The following PRELID2 variants were observed in gnomAD, a reference collection of about 807,000 sequenced individuals.
The protein encoded by PRELID2 is PRELI domain containing 2, also known as PRELI domain-containing protein 2.
A neutral mutation model predicts 28.4 loss-of-function variants in PRELID2; 25 were observed. The observed-to-expected ratio is 0.88, with a 90% CI of 0.64 to 1.23. The LOEUF is 1.23. Ranked by LOEUF, PRELID2 falls within the 50% of genes most tolerant of loss-of-function variation. The probability of loss-of-function intolerance (pLI) is 0.00; values close to 1 mark genes in which losing one functional copy is unlikely to be tolerated. For missense variants in PRELID2, 201 were observed against 214.4 expected, an observed-to-expected ratio of 0.94 and a Z score of 0.39; for synonymous variants, 76 against 71.6, an observed-to-expected ratio of 1.06 and a Z score of -0.31.
chr5:145,380,134 C>T, the PRELID2 span, among the ~76,000 whole-genome samples: 8 of 152,178 alleles, frequency 5.3e-5, no homozygotes, highest in East Asian at 9.6e-4. Flanking sequence ...GCTCTCCCTG[C>T]TAATTTAAGT....
At chr5:145,679,026 T>C (rs1218548418) in intron 1 of PRELID2, among the ~76,000 whole-genome samples, 1 of 152,188 alleles carries the variant, frequency 6.6e-6, no homozygotes, top group Admixed American at 6.5e-5. Flanking sequence ...ATTCTAGAGA[T>C]CTCTAAACAG....
intron 1 of PRELID2, among the ~76,000 whole-genome samples, chr5:145,502,131 C>T (rs1752364679): frequency 6.6e-6 from 1 of 152,004 alleles, no homozygotes; most frequent in African/African-American, 2.4e-5. Flanking sequence ...GCAGGCTCTA[C>T]AGGAAGCATA....
chr5:145,713,077 CA>C (rs1755739211), intron 1 of PRELID2, among the ~76,000 whole-genome samples: 1 of 151,602 alleles, frequency 6.6e-6, no homozygotes, highest in African/African-American at 2.4e-5. Context: ...ATTAGATTAA[CA>C]AACATATAAC....
the PRELID2 span, among the ~76,000 whole-genome samples, chr5:145,295,323 G>T: frequency 6.6e-6 from 1 of 152,086 alleles, no homozygotes; most frequent in Non-Finnish European, 1.5e-5. Context: ...AGAAAAAAAA[G>T]AAGAATCATG....
At chr5:145,580,701 C>T (rs1433029) in intron 1 of PRELID2, among the ~76,000 whole-genome samples, 29,373 of 151,982 alleles carry the variant, frequency 0.19, 5,032 homozygotes, top group African/African-American at 0.45. Flanking sequence ...GCCAGGCCCC[C>T]GTGTTCATGA....
the PRELID2 span, among the ~76,000 whole-genome samples, chr5:145,269,730 T>A: frequency 1.3e-5 from 2 of 150,262 alleles, no homozygotes; most frequent in African/African-American, 4.9e-5. Context: ...ATAGTTTGTA[T>A]ATATATAATT....
At chr5:145,783,659 G>A (rs903986782) in intron 5 of PRELID2, among the ~76,000 whole-genome samples, 5 of 152,118 alleles carry the variant, frequency 3.3e-5, no homozygotes, top group Admixed American at 3.3e-4. Context: ...CTCTGGAATA[G>A]GGAAAAAATA....
chr5:145,821,152 G>GGTGTGTGTGTGTGTGTGTGTGTGTGTGT (rs70998038), intron 2 of PRELID2, among the ~76,000 whole-genome samples: 10,021 of 87,472 alleles, frequency 0.11, 1,580 homozygotes, highest in Non-Finnish European at 0.15. Context: ...AACTCTCCTG[G>GGTGTGTGTGTGTGTGTGTGTGTGTGTGT]GTGTGTGTGT....
intron 1 of PRELID2, among the ~76,000 whole-genome samples, chr5:145,746,064 C>T (rs113254251): frequency 6.6e-6 from 1 of 152,074 alleles, no homozygotes; most frequent in Admixed American, 6.5e-5. Context: ...CAAAAACACA[C>T]CAAAATATAA....
intron 1 of PRELID2, among the ~76,000 whole-genome samples, chr5:145,533,328 G>C (rs1049362119): frequency 6.6e-6 from 1 of 152,012 alleles, no homozygotes; most frequent in African/African-American, 2.4e-5. Flanking sequence ...TAGACAGAAG[G>C]AGACTTTATA....
chr5:145,491,574 T>G (rs568267346), intron 1 of PRELID2, among the ~76,000 whole-genome samples: 4 of 146,178 alleles, frequency 2.7e-5, no homozygotes, highest in Non-Finnish European at 6.1e-5. Flanking sequence ...ACTCTCTTAG[T>G]GCTTTTCAAG....
intron 1 of PRELID2, among the ~76,000 whole-genome samples, chr5:145,624,613 T>C (rs1196750369): frequency 6.6e-6 from 1 of 152,212 alleles, no homozygotes; most frequent in Non-Finnish European, 1.5e-5. Context: ...ATTAAAGGCT[T>C]GAAGTAAGAA....
At chr5:145,334,760 C>T in the PRELID2 span, among the ~76,000 whole-genome samples, 2 of 142,866 alleles carry the variant, frequency 1.4e-5, no homozygotes, top group African/African-American at 2.6e-5. Context: ...GCATAGTATT[C>T]TTGTTTGTCA....
chr5:145,261,827 C>A, the PRELID2 span, among the ~76,000 whole-genome samples: 1 of 152,058 alleles, frequency 6.6e-6, no homozygotes, highest in African/African-American at 2.4e-5. Context: ...GCAATGGATC[C>A]AAACCAAAAT....
chr5:145,248,485 G>A, the PRELID2 span, among the ~76,000 whole-genome samples: 2 of 152,020 alleles, frequency 1.3e-5, no homozygotes, highest in Non-Finnish European at 2.9e-5. Context: ...GTTTATTCTT[G>A]GCCATTCTTT....
At chr5:145,598,827 G>A (rs1313974706) in intron 1 of PRELID2, among the ~76,000 whole-genome samples, 1 of 152,086 alleles carries the variant, frequency 6.6e-6, no homozygotes, top group East Asian at 1.9e-4. Flanking sequence ...AACAAACCAG[G>A]TGCAATAATA....
intron 1 of PRELID2, among the ~76,000 whole-genome samples, chr5:145,514,288 T>C (rs1315504727): frequency 1.5e-5 from 2 of 132,756 alleles, no homozygotes; most frequent in South Asian, 2.5e-4. Flanking sequence ...AACAAAGGGA[T>C]GGAGGAATAT....
At chr5:145,283,248 T>G in the PRELID2 span, among the ~76,000 whole-genome samples, 1 of 152,158 alleles carries the variant, frequency 6.6e-6, no homozygotes. Context: ...TTCCAAAGCA[T>G]AAATATCTTG....
chr5:145,695,310 G>C (rs1004489892), intron 1 of PRELID2, among the ~76,000 whole-genome samples: 1 of 152,134 alleles, frequency 6.6e-6, no homozygotes, highest in Non-Finnish European at 1.5e-5. Flanking sequence ...AGCAAAGAAC[G>C]TGCGCAAAAG....
Sources: allele counts gnomAD v4.1 joint callset (sites outside exome capture counted in the v4.1 genomes callset), GRCh38; gene constraint gnomAD v4.1.1; transcripts MANE v1.5; gene names NCBI Gene and HGNC (gene_info 2026-07-23, HGNC 2026-07-21).